PLSCR4: variants seen among roughly 807,000 people sequenced by gnomAD.
PLSCR4 encodes phospholipid scramblase 4, also known as Ca(2+)-dependent phospholipid scramblase 4.
Under a neutral mutation model 36.3 loss-of-function variants are expected in PLSCR4, and 25 were observed. The ratio of observed to expected loss-of-function variants is 0.69; its 90% CI spans 0.50 to 0.96. The LOEUF is 0.96. Among genes scored for constraint, PLSCR4 ranks in the 40% least tolerant of loss-of-function variants. PLSCR4 has a pLI of 0.00. For synonymous variants in PLSCR4, 122 were observed against 132.9 expected, an observed-to-expected ratio of 0.92 and a Z score of 0.56; for missense variants, 408 against 414.7, an observed-to-expected ratio of 0.98 and a Z score of 0.14.
intron 7 of PLSCR4, 28 bp downstream of exon 7, chr3:146,196,604 C>T (rs374539494): frequency 1.2e-6 from 2 of 1,608,104 alleles, no homozygotes; most frequent in South Asian, 2.2e-5. Context: ...GGAAAAATAT[C>T]AGAAACACTA....
In PLSCR4 at chr3:146,194,387, T is replaced by C. The variant is rs369809791; in HGVS notation, c.*24A>G. The C allele has an allele frequency of 2.7e-5, 42 of 1,563,646 alleles. No individual in the cohort carries two copies. The highest frequency in any genetic ancestry group is 2.3e-4 in the African/African-American group (17 of 73,852). ...CTTTTCCATTTTTCAAAATTAACCA[T>C]AGTTGATGGCTTGCTGTGTCTCTCT... On this transcript the variant is annotated 3_prime_UTR_variant, in exon 9 of 9. Coordinates refer to ENST00000354952, the MANE Select transcript of PLSCR4 (RefSeq NM_020353.3).
At position 146,225,326 on chromosome 3, in the gene PLSCR4, A is replaced by T. The variant is rs551255285; in HGVS notation, c.-21-3234T>A. ...TATAATCCCTGAGCTAGACATAAAG[A>T]CTCTCCACTTCCCCACCAGACTCAG... On this transcript the variant is annotated intron_variant, in intron 1 of 8. Transcript: ENST00000354952. Among the ~76,000 whole-genome samples, 54 of 152,204 alleles carry T rather than the reference A, an allele frequency of 3.5e-4. 5 individuals are homozygous for T. The South Asian group carries it at 8.3e-3, about 23-fold the overall frequency.
At chr3:146,207,952 A>C (rs1216012382) in intron 3 of PLSCR4, among the ~76,000 whole-genome samples, 1 of 152,132 alleles carries the variant, frequency 6.6e-6, no homozygotes, top group African/African-American at 2.4e-5. Flanking sequence ...TATGCAACCA[A>C]AAAAGAGCCT....
At chr3:146,202,534 CTA>C (rs1276054513) in intron 4 of PLSCR4, among the ~76,000 whole-genome samples, 1 of 151,996 alleles carries the variant, frequency 6.6e-6, no homozygotes, top group Non-Finnish European at 1.5e-5. Context: ...GGTCTTGTCT[CTA>C]TGTTAATGAT....
At chr3:146,245,679 A>G (rs2036310374) in intron 1 of PLSCR4, among the ~76,000 whole-genome samples, 1 of 152,082 alleles carries the variant, frequency 6.6e-6, no homozygotes, top group Admixed American at 6.6e-5. Flanking sequence ...ATGTTTTTAA[A>G]AAATATGGAA....
intron 1 of PLSCR4, among the ~76,000 whole-genome samples, chr3:146,246,154 G>A (rs751148044): frequency 7.9e-5 from 12 of 152,048 alleles, no homozygotes; most frequent in Non-Finnish European, 1.6e-4. Context: ...TGCTGCAGCA[G>A]GAATGTCCCA....
intron 1 of PLSCR4, chr3:146,223,693 C>A (rs1481938348): frequency 1.3e-5 from 2 of 151,932 alleles, no homozygotes; most frequent in African/African-American, 4.8e-5. Context: ...CTTGCCAAGA[C>A]GGGTGAAAGT....
chr3:146,212,184 T>C (rs2034659509), intron 3 of PLSCR4, among the ~76,000 whole-genome samples: 1 of 152,096 alleles, frequency 6.6e-6, no homozygotes, highest in African/African-American at 2.4e-5. Flanking sequence ...ACTTACGTAG[T>C]CTTCTTTAAT....
At chr3:146,203,631 T>TC (rs941947056) in intron 4 of PLSCR4, among the ~76,000 whole-genome samples, 1 of 151,964 alleles carries the variant, frequency 6.6e-6, no homozygotes, top group Non-Finnish European at 1.5e-5. Context: ...GTGCCTTTTT[T>TC]CCCCCCTTAA....
intron 3 of PLSCR4, among the ~76,000 whole-genome samples, chr3:146,208,466 AAAC>A (rs2034452509): frequency 6.6e-6 from 1 of 152,162 alleles, no homozygotes; most frequent in Admixed American, 6.6e-5. Context: ...TGCACAGCAA[AAAC>A]AACAGTCAGC....
chr3:146,207,760 C>G (rs1576458118), intron 3 of PLSCR4, among the ~76,000 whole-genome samples: 1 of 152,040 alleles, frequency 6.6e-6, no homozygotes, highest in Non-Finnish European at 1.5e-5. Context: ...CCCATTCCAC[C>G]TTCAATCAGA....
chr3:146,233,926 C>G (rs2035815297), intron 1 of PLSCR4, among the ~76,000 whole-genome samples: 1 of 151,618 alleles, frequency 6.6e-6, no homozygotes. Context: ...GTAGGCTGTT[C>G]TGCTGTGTTC....
intron 4 of PLSCR4, 64 bp from the exon 5 acceptor site, chr3:146,201,141 T>G: frequency 4.1e-6 from 4 of 974,040 alleles, no homozygotes; most frequent in Non-Finnish European, 6.1e-6. Flanking sequence ...CACTGTAAAA[T>G]AAACTGATGA....
intron 1 of PLSCR4, among the ~76,000 whole-genome samples, chr3:146,243,022 A>G (rs77069186): frequency 0.017 from 2,559 of 152,284 alleles, 79 homozygotes; most frequent in African/African-American, 0.058. Context: ...TAACCCATCA[A>G]TCTCTCAGGG....
chr3:146,225,016 T>C (rs966947501), intron 1 of PLSCR4, among the ~76,000 whole-genome samples: 5 of 151,312 alleles, frequency 3.3e-5, no homozygotes, highest in Admixed American at 3.3e-4. Flanking sequence ...TGCTGATTGG[T>C]GTATTTACAA....
intron 3 of PLSCR4, among the ~76,000 whole-genome samples, chr3:146,208,177 G>C: frequency 6.6e-6 from 1 of 152,060 alleles, no homozygotes; most frequent in African/African-American, 2.4e-5. Context: ...CACAAAGTGG[G>C]GAAAGGACAC....
chr3:146,228,775 G>A (rs2035581160), intron 1 of PLSCR4, among the ~76,000 whole-genome samples: 1 of 151,960 alleles, frequency 6.6e-6, no homozygotes, highest in Non-Finnish European at 1.5e-5. Flanking sequence ...GTCTGTATTA[G>A]TACAGTACTT....
chr3:146,240,422 A>T (rs2036103577), intron 1 of PLSCR4, among the ~76,000 whole-genome samples: 1 of 152,188 alleles, frequency 6.6e-6, no homozygotes, highest in Admixed American at 6.5e-5. Context: ...CCCGGGTAAC[A>T]TCATGAGACC....
At chr3:146,213,339 T>C (rs2108266597) in intron 3 of PLSCR4, among the ~76,000 whole-genome samples, 1 of 149,164 alleles carries the variant, frequency 6.7e-6, no homozygotes, top group East Asian at 2.0e-4. Flanking sequence ...ATTTCCTTTT[T>C]TTTTTTTTTT....
Sources: allele counts gnomAD v4.1 joint callset (sites outside exome capture counted in the v4.1 genomes callset), GRCh38; gene constraint gnomAD v4.1.1; transcripts MANE v1.5; gene names NCBI Gene and HGNC (gene_info 2026-07-23, HGNC 2026-07-21).